Variants in BRD4 observed in about 807,000 individuals in gnomAD.
The protein encoded by BRD4 is bromodomain containing 4.
Under a neutral mutation model 142.1 loss-of-function variants are expected in BRD4, and 16 were observed. The ratio of observed to expected loss-of-function variants is 0.11; its 90% CI spans 0.08 to 0.17. BRD4 has a LOEUF of 0.17. Among genes scored for constraint, BRD4 ranks in the 10% least tolerant of loss-of-function variants. The pLI, the probability that BRD4 is intolerant of heterozygous loss-of-function variation, is 1.00. For synonymous variants in BRD4, 833 were observed against 707.5 expected (o/e 1.18, Z -2.82); for missense variants, 1,424 against 1,810.9 (o/e 0.79, Z 3.88).
intron 11 of BRD4, among the ~76,000 whole-genome samples, chr19:15,246,012 A>G (rs963365596): frequency 2.0e-5 from 3 of 152,180 alleles, no homozygotes; most frequent in Non-Finnish European, 2.9e-5. Flanking sequence ...TGTGCCCTGT[A>G]AGAGCTCACC....
intron 2 of BRD4, among the ~76,000 whole-genome samples, chr19:15,269,857 T>C (rs2047568928): frequency 6.6e-6 from 1 of 152,216 alleles, no homozygotes; most frequent in South Asian, 2.1e-4. Flanking sequence ...CAACTTCTTC[T>C]CTAAATCTAA....
Position 15,243,394 on chromosome 19 carries a change from G to A in BRD4, c.2675C>T (p.Pro892Leu). 6.5e-7 allele frequency: 1 copy of A among 1,544,428 alleles called. No individual in the cohort carries two copies. The highest frequency in any genetic ancestry group is 8.7e-7 in the Non-Finnish European group (1 of 1,150,334). The change falls in exon 14 of 20, where the codon CCA becomes CTA. Residue 892 changes from proline (P) to leucine (L), a missense_variant. This residue lies in a region of BRD4 where 598 missense variants were observed against 647.8 expected (regional missense o/e 0.92). Coordinates refer to ENST00000679869, the MANE Select transcript of BRD4 (RefSeq NM_001379291.1). ...GAGCAGGGGTGTTTGGGTCAAGGCT[G>A]GTGACACGGCTGGGGGCCGGGCGGG... ...PKPARPPAVS[P>L]ALTQTPLLPQ...
At chr19:15,304,306 G>A (rs1208653264) in intron 1 of BRD4, among the ~76,000 whole-genome samples, 1 of 152,208 alleles carries the variant, frequency 6.6e-6, no homozygotes, top group Non-Finnish European at 1.5e-5. Flanking sequence ...CAAGGAGGCT[G>A]AGCTCACTCA....
In BRD4 at chr19:15,332,420, G is replaced by A. The variant is rs946961555; in HGVS notation, c.-165C>T. 6.8e-6 allele frequency: 1 copy of A among 146,554 alleles called. No homozygotes were observed. Among genetic ancestry groups the A allele is most frequent in the South Asian group, 1.8e-4 (1 of 5,618 alleles). The allele number at this position is 146,554 out of a possible 1,614,324, so 9.1% of individuals were successfully genotyped here. ...AGCTCACAGGCCGCGCTCGCCCGCGGGCACCGCCGGCAGCCGCCGCAGCCG... is the reference window on the plus strand; with the variant it reads ...AGCTCACAGGCCGCGCTCGCCCGCGAGCACCGCCGGCAGCCGCCGCAGCCG... On this transcript the variant is annotated 5_prime_UTR_variant, in exon 1 of 20. Transcript: ENST00000679869.
At position 15,264,523 on chromosome 19, in the gene BRD4, A is replaced by T; in HGVS notation, c.1093T>A (p.Phe365Ile). 6.2e-7 allele frequency: 1 copy of T among 1,614,140 alleles called. No homozygotes were observed. The change falls in exon 6 of 20, where the codon TTT (phenylalanine) becomes ATT (isoleucine). Residue 365 changes from phenylalanine (F) to isoleucine (I), a missense_variant. By Grantham distance (21) the Phe-to-Ile change is conservative. Transcript: ENST00000679869. ...GCGTAGGCGGCGTGCTTCTTGGCAA[A>T]CATCTCCTTGAGGATGCCGCTGCAG... ...KCCSGILKEM[F>I]AKKHAAYAWP...
intron 1 of BRD4, among the ~76,000 whole-genome samples, chr19:15,304,044 C>T (rs1053306915): frequency 1.4e-4 from 22 of 152,186 alleles, no homozygotes; most frequent in African/African-American, 5.3e-4. Context: ...ATCCACTCAT[C>T]CGTCACAGTG....
At position 15,243,179 on chromosome 19, in the gene BRD4, G is replaced by A. The variant is rs963778083; in HGVS notation, c.2890C>T (p.Pro964Ser). The change falls in exon 14 of 20, where the codon CCC becomes TCC. Residue 964 changes from proline (P) to serine (S), a missense_variant. Coordinates refer to ENST00000679869, the MANE Select transcript of BRD4 (RefSeq NM_001379291.1). ...TGCTGCAGCTGCTGCTGCACAGAGG[G>A]GTGGGGTGGGGGCGGCAGGGGGGGT... The part of the protein sequence containing the change: ...PPPPLPPPPH[P>S]SVQQQLQQQP... 2 of 1,083,380 alleles carry A rather than the reference G, an allele frequency of 1.8e-6. No individual in the cohort carries two copies. The highest frequency in any genetic ancestry group is 1.3e-6 in the Non-Finnish European group (1 of 787,150). 67.1% of individuals were successfully genotyped at this position (1,083,380 alleles called of 1,614,324 possible).
At chr19:15,257,622 C>T (rs1055349499) in intron 7 of BRD4, among the ~76,000 whole-genome samples, 8 of 152,090 alleles carry the variant, frequency 5.3e-5, no homozygotes, top group African/African-American at 1.9e-4. Flanking sequence ...ACACAGCACA[C>T]GCAGAGGTCC....
Position 15,243,205 on chromosome 19 carries a change from G to C in BRD4, c.2864C>G (p.Pro955Arg). The C allele has an allele frequency of 1.6e-6, 2 of 1,225,560 alleles. No homozygotes were observed. Among genetic ancestry groups the C allele is most frequent in the Non-Finnish European group, 2.2e-6 (2 of 916,476 alleles). The allele number at this position is 1,225,560 out of a possible 1,614,324, so 75.9% of individuals were successfully genotyped here. A position where few individuals can be genotyped will look rare whatever the true frequency, so the allele number is the denominator to read the frequency against. Residue 955 changes from proline (P) to arginine (R), a missense_variant, in exon 14 of 20, where the codon CCA becomes CGA. Transcript: ENST00000679869. ...LPSVKVQSQP[P>R]PPLPPPPHPS... is the part of the protein sequence containing the mutation. ...GTGGGGTGGGGGCGGCAGGGGGGGTGGGGGCTGGGACTGCACCTTCACGGA... is the reference window on the plus strand; with the variant it reads ...GTGGGGTGGGGGCGGCAGGGGGGGTCGGGGCTGGGACTGCACCTTCACGGA...
At chr19:15,271,805 TGCTTG>T (rs1239706981) in intron 2 of BRD4, among the ~76,000 whole-genome samples, 2 of 151,058 alleles carry the variant, frequency 1.3e-5, no homozygotes, top group East Asian at 3.9e-4. Flanking sequence ...TTCCCCCGAG[TGCTTG>T]ACACGTATTC....
At chr19:15,254,951 C>T (rs2047389850) in intron 10 of BRD4, among the ~76,000 whole-genome samples, 1 of 152,140 alleles carries the variant, frequency 6.6e-6, no homozygotes, top group African/African-American at 2.4e-5. Flanking sequence ...GTACACAGGT[C>T]CTGGGACCCT....
intron 1 of BRD4, among the ~76,000 whole-genome samples, chr19:15,313,769 G>A (rs1197571215): frequency 1.3e-5 from 2 of 152,160 alleles, no homozygotes; most frequent in Non-Finnish European, 2.9e-5. Context: ...AAGCCAAGCA[G>A]GCTGCATCAC....
chr19:15,332,501 AGCC>A lies in BRD4; in HGVS notation c.-249_-247del, dbSNP rs778524619. 0.015 allele frequency: 2,295 copies of A among 156,386 alleles called. 30 individuals are homozygous for A. Among genetic ancestry groups the A allele is most frequent in the Non-Finnish European group, 0.022 (1,730 of 77,042 alleles). 9.7% of individuals were successfully genotyped at this position (156,386 alleles called of 1,614,324 possible). On this transcript the variant is annotated 5_prime_UTR_variant, in exon 1 of 20. Transcript: ENST00000679869. ...TGCGGGAGACCAGAACAAACAGCCCAGCCGCCGCCGCCGCCGCCGCCGCCGCCG... is the reference window on the plus strand; with the variant it reads ...TGCGGGAGACCAGAACAAACAGCCCAGCCGCCGCCGCCGCCGCCGCCGCCG...
In BRD4 at chr19:15,264,172, G is replaced by C. The variant is rs927838027; in HGVS notation, c.1212+232C>G. 9.1e-5 allele frequency: 47 copies of C among 515,852 alleles called. 2 individuals carry two copies. Among genetic ancestry groups the C allele is most frequent in the Non-Finnish European group, 1.5e-4 (44 of 301,154 alleles). 32.0% of individuals were successfully genotyped at this position (515,852 alleles called of 1,614,324 possible). Reference sequence around the variant, plus strand: ...GCTTGTCTTGCTTTTCCTCAGACTAGGGGAAGGGGCAGCACAGGCATCTGT... The same window carrying C: ...GCTTGTCTTGCTTTTCCTCAGACTACGGGAAGGGGCAGCACAGGCATCTGT... On this transcript the variant is annotated intron_variant, in intron 6 of 19. Transcript: ENST00000679869.
chr19:15,261,293 T>C (rs2047468247), intron 7 of BRD4, among the ~76,000 whole-genome samples: 1 of 145,194 alleles, frequency 6.9e-6, no homozygotes, highest in Admixed American at 6.8e-5. Context: ...AAGACCAGCC[T>C]GACCAATCGG....
At position 15,238,359 on chromosome 19, in the gene BRD4, G is replaced by C; in HGVS notation, c.*18C>G. The stretch of plus-strand genomic sequence containing the variant: ...ATGTTTTGCCAGAAAATCAAAGTCA[G>C]AAGCCACCTAGGTGCGCTCAGAAAA... On this transcript the variant is annotated 3_prime_UTR_variant, in exon 20 of 20. Coordinates refer to ENST00000679869, the MANE Select transcript of BRD4 (RefSeq NM_001379291.1). This position sits in a 1 kb window ranked among gnomAD's most constrained non-coding sequence, Gnocchi z 7.2. 2 of 1,613,890 alleles carry C rather than the reference G, an allele frequency of 1.2e-6. No individual in the cohort carries two copies. The highest frequency in any genetic ancestry group is 1.7e-6 in the Non-Finnish European group (2 of 1,179,896).
rs78211779 is a variant in BRD4 at position 15,255,189 on chromosome 19, GA to G, written c.2047+107del. On this transcript the variant is annotated intron_variant, in intron 10 of 19. Coordinates refer to ENST00000679869, the MANE Select transcript of BRD4 (RefSeq NM_001379291.1). The stretch of plus-strand genomic sequence containing the variant: ...GTCAAGAACACAGATATTATAATTG[GA>G]AAAAAAAAAGGGGGGGGGCGCAGAA... The G allele has an allele frequency of 4.4e-3, 4,135 of 950,062 alleles. 11 individuals are homozygous for G. Among genetic ancestry groups the G allele is most frequent in the East Asian group, 0.03 (965 of 31,734 alleles). The allele number at this position is 950,062 out of a possible 1,614,324, so 58.9% of individuals were successfully genotyped here. A position where few individuals can be genotyped will look rare whatever the true frequency, so the allele number is the denominator to read the frequency against.
In BRD4 at chr19:15,265,338, A is replaced by C; in HGVS notation, c.849+16T>G. On this transcript the variant is annotated intron_variant, in intron 5 of 19. Coordinates refer to ENST00000679869, the MANE Select transcript of BRD4 (RefSeq NM_001379291.1). ...CCTCCCTGGTGAAGCAGCCCTCCAG[A>C]GTCCAGGAGACTCACCTTCACAGGC... 1 of 1,485,984 alleles carries C rather than the reference A, an allele frequency of 6.7e-7. No homozygotes were observed. The highest frequency in any genetic ancestry group is 8.9e-7 in the Non-Finnish European group (1 of 1,119,240). The allele number at this position is 1,485,984 out of a possible 1,614,324, so 92.0% of individuals were successfully genotyped here. A position where few individuals can be genotyped will look rare whatever the true frequency, so the allele number is the denominator to read the frequency against.
chr19:15,254,802 G>T (rs906990384), intron 10 of BRD4, among the ~76,000 whole-genome samples: 3 of 152,134 alleles, frequency 2.0e-5, no homozygotes, highest in Non-Finnish European at 4.4e-5. Context: ...CCCTGACACC[G>T]ATCCTCAGAG....
Sources: allele counts gnomAD v4.1 joint callset (sites outside exome capture counted in the v4.1 genomes callset), GRCh38; gene constraint gnomAD v4.1.1; regional missense constraint gnomAD v4.1.1; non-coding constraint Gnocchi (gnomAD v3.1); transcripts MANE v1.5; gene names NCBI Gene and HGNC (gene_info 2026-07-23, HGNC 2026-07-21).